DCTD: variants seen among roughly 807,000 people sequenced by gnomAD.
DCTD encodes deoxycytidylate deaminase.
DCTD carries 23 observed loss-of-function variants against 21.0 expected under a neutral mutation model. The observed-to-expected ratio is 1.09, with a 90% CI of 0.79 to 1.55. The LOEUF (loss-of-function observed/expected upper bound fraction) is 1.55, where lower values mean the gene tolerates loss of function less well. Among genes scored for constraint, DCTD ranks in the 40% most tolerant of loss-of-function variants. The pLI, the probability that DCTD is intolerant of heterozygous loss-of-function variation, is 0.00. For synonymous variants in DCTD, 71 were observed against 81.1 expected (o/e 0.88, Z 0.67); for missense variants, 224 against 230.0 (o/e 0.97, Z 0.17).
At chr4:182,897,543 T>C (rs1050808849) in intron 3 of DCTD, among the ~76,000 whole-genome samples, 3 of 151,666 alleles carry the variant, frequency 2.0e-5, no homozygotes, top group African/African-American at 7.3e-5. Context: ...TATATAAAGC[T>C]ACTGGGCAAT....
At chr4:182,893,966 C>T (rs1465621371) in intron 4 of DCTD, among the ~76,000 whole-genome samples, 3 of 152,148 alleles carry the variant, frequency 2.0e-5, no homozygotes, top group Admixed American at 6.5e-5. Context: ...TTGAAAAAGG[C>T]GAAATATTCA....
At chr4:182,899,339 A>G (rs908451000) in intron 3 of DCTD, among the ~76,000 whole-genome samples, 11 of 151,512 alleles carry the variant, frequency 7.3e-5, no homozygotes, top group Admixed American at 1.3e-4. Context: ...CTTTGTGGGC[A>G]CTTCCCAAGG....
At chr4:182,893,335 A>ATGGATT (rs1215067535) in intron 4 of DCTD, among the ~76,000 whole-genome samples, 1 of 152,138 alleles carries the variant, frequency 6.6e-6, no homozygotes, top group African/African-American at 2.4e-5. Context: ...TCCAGTCTTT[A>ATGGATT]TGGATTTTTT....
chr4:182,913,822 T>G (rs1427006157), intron 3 of DCTD, among the ~76,000 whole-genome samples: 1 of 152,182 alleles, frequency 6.6e-6, no homozygotes. Context: ...AAAGTAAAGC[T>G]ATGGCTGGAC....
chr4:182,902,182 A>AT (rs1735865517), intron 3 of DCTD, among the ~76,000 whole-genome samples: 1 of 152,076 alleles, frequency 6.6e-6, no homozygotes, highest in African/African-American at 2.4e-5. Flanking sequence ...TAACAACGGA[A>AT]TAGCCGCGAC....
intron 3 of DCTD, among the ~76,000 whole-genome samples, chr4:182,897,074 G>C (rs1734859965): frequency 6.6e-6 from 1 of 152,166 alleles, no homozygotes; most frequent in South Asian, 2.1e-4. Context: ...ACTGCCATGA[G>C]CTTCCTCTAC....
intron 3 of DCTD, among the ~76,000 whole-genome samples, chr4:182,902,961 T>C (rs1736011901): frequency 6.6e-6 from 1 of 152,244 alleles, no homozygotes; most frequent in Non-Finnish European, 1.5e-5. Context: ...GAAAAATGTA[T>C]GTGGATTACA....
Position 182,917,332 on chromosome 4 carries a change from G to A in DCTD, c.-29C>T. ...CCACCATCCGGTGCCGGCTCCGCGC[G>A]CAGGCCGGTGCTCGTCCCCGCCGCC... On this transcript the variant is annotated 5_prime_UTR_variant, in exon 1 of 6. Transcript: ENST00000438320. The surrounding 1 kb of genome is among the most constrained non-coding windows in gnomAD (Gnocchi z 4.9). 2 of 1,093,064 alleles carry A rather than the reference G, an allele frequency of 1.8e-6. No individual in the cohort carries two copies. Among genetic ancestry groups the A allele is most frequent in the Non-Finnish European group, 1.1e-6 (1 of 900,138 alleles). 67.7% of individuals were successfully genotyped at this position (1,093,064 alleles called of 1,614,324 possible). A position where few individuals can be genotyped will look rare whatever the true frequency, so the allele number is the denominator to read the frequency against.
intron 3 of DCTD, among the ~76,000 whole-genome samples, chr4:182,913,354 T>C (rs1482757810): frequency 6.6e-6 from 1 of 152,174 alleles, no homozygotes; most frequent in Non-Finnish European, 1.5e-5. Flanking sequence ...CCTAAACTAC[T>C]TTTCACATCC....
chr4:182,916,946 C>T, intron 1 of DCTD: 1 of 998,788 alleles, frequency 1.0e-6, no homozygotes, highest in Non-Finnish European at 1.2e-6. Context: ...ACGCCGCTCG[C>T]AACCCCGTCA....
chr4:182,912,148 G>T (rs995082246), intron 3 of DCTD, among the ~76,000 whole-genome samples: 1 of 111,018 alleles, frequency 9.0e-6, no homozygotes, highest in Admixed American at 8.7e-5. Flanking sequence ...TAAAACGAAA[G>T]CAAAAAAAAA....
chr4:182,915,160 C>T (rs995159597), intron 2 of DCTD, 102 bp from the exon 3 acceptor site: 56 of 1,427,872 alleles, frequency 3.9e-5, no homozygotes, highest in Admixed American at 1.3e-4. Context: ...TCAAAACAGA[C>T]GCATAGCTGC....
intron 3 of DCTD, among the ~76,000 whole-genome samples, chr4:182,904,369 C>T (rs1008558926): frequency 2.0e-5 from 3 of 152,304 alleles, no homozygotes; most frequent in South Asian, 2.1e-4. Flanking sequence ...GAAATGCACA[C>T]GTGATGCCTA....
intron 3 of DCTD, among the ~76,000 whole-genome samples, chr4:182,895,371 C>T (rs1579669973): frequency 2.6e-5 from 4 of 152,190 alleles, no homozygotes; most frequent in Admixed American, 1.3e-4. Context: ...ATGCCCAGCC[C>T]AGTCTGTCTT....
chr4:182,896,738 C>T (rs773244113), intron 3 of DCTD, among the ~76,000 whole-genome samples: 4 of 152,166 alleles, frequency 2.6e-5, no homozygotes, highest in Non-Finnish European at 5.9e-5. Context: ...GTGTTAAAAA[C>T]AATTACATGT....
chr4:182,917,331 C>T lies in DCTD; in HGVS notation c.-28G>A, dbSNP rs1478546029. On this transcript the variant is annotated 5_prime_UTR_variant, in exon 1 of 6. Transcript: ENST00000438320. This position sits in a 1 kb window ranked among gnomAD's most constrained non-coding sequence, Gnocchi z 4.9. ...CCCACCATCCGGTGCCGGCTCCGCG[C>T]GCAGGCCGGTGCTCGTCCCCGCCGC... is the stretch of plus-strand genomic sequence containing the variant. The T allele has an allele frequency of 9.1e-7, 1 of 1,095,084 alleles. No individual in the cohort carries two copies. Among genetic ancestry groups the T allele is most frequent in the East Asian group, 5.5e-5 (1 of 18,064 alleles). 67.8% of individuals were successfully genotyped at this position (1,095,084 alleles called of 1,614,324 possible). A position where few individuals can be genotyped will look rare whatever the true frequency, so the allele number is the denominator to read the frequency against.
Position 182,891,312 on chromosome 4 carries a change from A to G in DCTD, c.*87T>C. ...ACTTTTGCCATACTGGCTAGTAAGA[A>G]GTTATGTGTAACTTCAAGATGAAAG... On this transcript the variant is annotated 3_prime_UTR_variant, in exon 6 of 6. Coordinates refer to ENST00000438320, the MANE Select transcript of DCTD (RefSeq NM_001921.3). The G allele has an allele frequency of 2.2e-6, 2 of 897,298 alleles. No individual in the cohort carries two copies. The highest frequency in any genetic ancestry group is 3.7e-6 in the Non-Finnish European group (2 of 538,620). The allele number at this position is 897,298 out of a possible 1,614,324, so 55.6% of individuals were successfully genotyped here.
intron 3 of DCTD, among the ~76,000 whole-genome samples, chr4:182,898,024 G>A (rs2152856502): frequency 6.6e-6 from 1 of 152,356 alleles, no homozygotes; most frequent in Non-Finnish European, 1.5e-5. Flanking sequence ...CCCCCAGACT[G>A]TCCTCAGAGA....
At chr4:182,916,287 A>AG (rs1470970315) in intron 1 of DCTD, 8 of 736,644 alleles carry the variant, frequency 1.1e-5, no homozygotes, top group Non-Finnish European at 1.3e-5. Flanking sequence ...GTAGTTTACC[A>AG]GGGGCAAGCA....
Sources: gnomAD v4.1 joint callset for allele counts (sites outside exome capture counted in the v4.1 genomes callset) on GRCh38, gnomAD v4.1.1 for gene constraint, Gnocchi (gnomAD v3.1) non-coding constraint, MANE v1.5 for transcripts, NCBI Gene and HGNC (gene_info 2026-07-23, HGNC 2026-07-21) for gene names.